The following SYT6 variants were observed in gnomAD, a reference collection of about 807,000 sequenced individuals.
SYT6 encodes the protein synaptotagmin 6.
Under a neutral mutation model 38.4 loss-of-function variants are expected in SYT6, and 24 were observed. That is an observed-to-expected ratio of 0.62 (90% confidence interval 0.45 to 0.88). The LOEUF (loss-of-function observed/expected upper bound fraction) is 0.88, where lower values mean the gene tolerates loss of function less well. Ranked by LOEUF, SYT6 falls within the 40% of genes least tolerant of loss-of-function variation. The probability of loss-of-function intolerance (pLI) is 0.00; values close to 1 mark genes in which losing one functional copy is unlikely to be tolerated. For missense variants in SYT6, 611 were observed against 621.0 expected, an observed-to-expected ratio of 0.98 and a Z score of 0.17; for synonymous variants, 265 against 241.9, an observed-to-expected ratio of 1.10 and a Z score of -0.89.
intron 3 of SYT6, among the ~76,000 whole-genome samples, chr1:114,118,582 A>G (rs1337437833): frequency 1.3e-5 from 2 of 152,214 alleles, no homozygotes; most frequent in Non-Finnish European, 2.9e-5. Flanking sequence ...CACAGCACGC[A>G]GGCCATGCCA....
At chr1:114,099,867 C>G (rs1675858912) in intron 4 of SYT6, among the ~76,000 whole-genome samples, 1 of 152,122 alleles carries the variant, frequency 6.6e-6, no homozygotes, top group Admixed American at 6.5e-5. Flanking sequence ...ATCCCATTTC[C>G]ATTTGGCATC....
intron 3 of SYT6, among the ~76,000 whole-genome samples, chr1:114,136,447 T>C (rs1557761808): frequency 6.6e-6 from 1 of 152,326 alleles, no homozygotes; most frequent in East Asian, 1.9e-4. Context: ...AGCTCTCAGC[T>C]GCCTGGGGGT....
At position 114,103,625 on chromosome 1, in the gene SYT6, C is replaced by T; in HGVS notation, c.1168G>A (p.Ala390Thr). Reference protein sequence around the residue: ...LTVIKCRNLKAMDITGYSDPY... With the variant: ...LTVIKCRNLKTMDITGYSDPY... ...CCTGAATAGCCTGTGATGTCCATCG[C>T]CTTGAGGTTCCGACACTTAATCACT... Residue 390 changes from alanine (A) to threonine (T), a missense_variant, in exon 4 of 8, where the codon GCG becomes ACG. Physicochemically the swap from Ala to Thr is moderately conservative, Grantham distance 58. Coordinates refer to ENST00000610222, the MANE Select transcript of SYT6 (RefSeq NM_001253772.2). The T allele has an allele frequency of 9.3e-6, 15 of 1,614,188 alleles. No individual in the cohort carries two copies. The highest frequency in any genetic ancestry group is 1.0e-5 in the Non-Finnish European group (12 of 1,180,030).
intron 3 of SYT6, 62 bp from the exon 4 acceptor site, chr1:114,103,783 T>A: frequency 6.4e-7 from 1 of 1,571,904 alleles, no homozygotes; most frequent in Non-Finnish European, 8.6e-7. Flanking sequence ...TCATGTCCAG[T>A]GCAGTATCTG....
At chr1:114,111,056 T>A (rs566171754) in intron 3 of SYT6, among the ~76,000 whole-genome samples, 2 of 152,242 alleles carry the variant, frequency 1.3e-5, no homozygotes, top group East Asian at 3.9e-4. Context: ...CTTCAACACC[T>A]CGGGCTCCCT....
rs776245156 is a variant in SYT6, at chr1:114,139,608, T to TC, written c.512+6dup. The TC allele has an allele frequency of 8.1e-6, 13 of 1,613,834 alleles. No homozygotes were observed. The African/African-American group carries it at 1.7e-4, about 22-fold the overall frequency. ...GGGGTCAGGGAAGGGAGTGGTCCAC[T>TC]CCTCACCTGGTGGATGACGCTGGCT... On this transcript the variant is annotated splice_region_variant and intron_variant, in intron 2 of 7. Transcript: ENST00000610222.
intron 3 of SYT6, among the ~76,000 whole-genome samples, chr1:114,115,214 C>A (rs1455598494): frequency 1.3e-5 from 2 of 152,134 alleles, no homozygotes; most frequent in African/African-American, 4.8e-5. Context: ...GTTTAACATG[C>A]CCCAGGGAAG....
chr1:114,096,635 G>C (rs1675657074), intron 6 of SYT6, among the ~76,000 whole-genome samples: 1 of 152,220 alleles, frequency 6.6e-6, no homozygotes, highest in Non-Finnish European at 1.5e-5. Context: ...AGGGCAGGGA[G>C]CCGGCAGGTT....
At position 114,110,531 on chromosome 1, in the gene SYT6, C is replaced by G. The variant is rs558021556; in HGVS notation, c.1072-6810G>C. Among the ~76,000 whole-genome samples the G allele has an allele frequency of 2.0e-5, 3 of 152,206 alleles. No homozygotes were observed. The South Asian group carries it at 6.2e-4, about 32-fold the overall frequency. Reference sequence around the variant, plus strand: ...GGGGAAGCGGATGGTGGCTATGATACCAGAGTAAGCAAAGGGTAAGAGGGA... The same window carrying G: ...GGGGAAGCGGATGGTGGCTATGATAGCAGAGTAAGCAAAGGGTAAGAGGGA... On this transcript the variant is annotated intron_variant, in intron 3 of 7. Transcript: ENST00000610222.
chr1:114,099,716 G>A (rs777275172), intron 4 of SYT6, among the ~76,000 whole-genome samples: 15 of 152,188 alleles, frequency 9.9e-5, no homozygotes, highest in Non-Finnish European at 1.3e-4. Context: ...AAAGGATAAA[G>A]GTTTTGGGGC....
intron 3 of SYT6, among the ~76,000 whole-genome samples, chr1:114,105,710 C>G (rs72988610): frequency 6.6e-6 from 1 of 152,120 alleles, no homozygotes; most frequent in Non-Finnish European, 1.5e-5. Flanking sequence ...ATTTCACGGA[C>G]GAATAACTTG....
In SYT6 at chr1:114,100,040, G is replaced by A. The variant is rs989474861; in HGVS notation, c.1193-775C>T. ...TTGGATTCTCTCCATCCTGCAAAGA[G>A]ATGCTTTTATTGAACTTCCATGTGC... On this transcript the variant is annotated intron_variant, in intron 4 of 7. Transcript: ENST00000610222. Among the ~76,000 whole-genome samples, 20 of 152,238 alleles carry A rather than the reference G, an allele frequency of 1.3e-4. No individual in the cohort carries two copies. In the East Asian group the frequency reaches 3.5e-3, roughly 26 times the overall value.
rs1365881859 is a variant in SYT6 at position 114,129,538 on chromosome 1, CT to C, written c.1071+7956del. ...TCTTTGTTTTTCTCTTTCTTTCTTT[CT>C]TTTTTTTCTGTCTTTTTTTCTTTCT... On this transcript the variant is annotated intron_variant, in intron 3 of 7. Coordinates refer to ENST00000610222, the MANE Select transcript of SYT6 (RefSeq NM_001253772.2). Among the ~76,000 whole-genome samples, 74 of 149,674 alleles carry C rather than the reference CT, an allele frequency of 4.9e-4. 1 individual carries two copies. Among genetic ancestry groups the C allele is most frequent in the African/African-American group, 1.7e-3 (68 of 41,064 alleles).
intron 1 of SYT6, among the ~76,000 whole-genome samples, chr1:114,141,319 A>C (rs1447290622): frequency 6.6e-6 from 1 of 152,260 alleles, no homozygotes. Flanking sequence ...AAAGCAAAAC[A>C]GTCTTATTGC....
At chr1:114,140,004 A>C (rs1678767758) in intron 1 of SYT6, 41 bp from the exon 2 acceptor site, 2 of 1,246,490 alleles carry the variant, frequency 1.6e-6, no homozygotes, top group South Asian at 1.5e-5. Flanking sequence ...ACAGACAGAC[A>C]GAGGCGGGGA....
At chr1:114,094,616 T>C (rs1571809432) in intron 6 of SYT6, among the ~76,000 whole-genome samples, 2 of 152,338 alleles carry the variant, frequency 1.3e-5, no homozygotes, top group East Asian at 3.8e-4. Flanking sequence ...CAGCCTTATT[T>C]TGAGCCCCAA....
intron 1 of SYT6, among the ~76,000 whole-genome samples, chr1:114,149,216 A>AGAGAG (rs1679308881): frequency 5.6e-5 from 1 of 17,742 alleles, no homozygotes; most frequent in South Asian, 1.7e-3. Context: ...AGAGAGAGAG[A>AGAGAG]TTGTGTGTGT....
At chr1:114,124,483 G>A (rs1677610536) in intron 3 of SYT6, among the ~76,000 whole-genome samples, 1 of 152,162 alleles carries the variant, frequency 6.6e-6, no homozygotes, top group African/African-American at 2.4e-5. Context: ...AGAATGATGG[G>A]AGTGGTGGGG....
At chr1:114,121,481 T>G (rs752067836) in intron 3 of SYT6, among the ~76,000 whole-genome samples, 5 of 152,196 alleles carry the variant, frequency 3.3e-5, no homozygotes, top group Non-Finnish European at 7.3e-5. Flanking sequence ...CATTGTTTTC[T>G]AAGCAACAGG....
Sources: allele counts gnomAD v4.1 joint callset (sites outside exome capture counted in the v4.1 genomes callset), GRCh38; gene constraint gnomAD v4.1.1; transcripts MANE v1.5; gene names NCBI Gene and HGNC (gene_info 2026-07-23, HGNC 2026-07-21).